KATNBL1: variants seen among roughly 807,000 people sequenced by gnomAD.
KATNBL1 encodes katanin regulatory subunit B1 like 1, also known as KATNB1-like protein 1.
A neutral mutation model predicts 44.7 loss-of-function variants in KATNBL1; 28 were observed. The ratio of observed to expected loss-of-function variants is 0.63; its 90% CI spans 0.46 to 0.86. The LOEUF (loss-of-function observed/expected upper bound fraction) is 0.86. Among genes scored for constraint, KATNBL1 ranks in the 40% least tolerant of loss-of-function variants. The pLI is 0.00. For missense variants in KATNBL1, 272 were observed against 350.7 expected, an observed-to-expected ratio of 0.78 and a Z score of 1.79; for synonymous variants, 78 against 114.9, an observed-to-expected ratio of 0.68 and a Z score of 2.06.
chr15:34,180,386 A>G (rs1889482552), intron 1 of KATNBL1, among the ~76,000 whole-genome samples: 1 of 152,158 alleles, frequency 6.6e-6, no homozygotes, highest in Non-Finnish European at 1.5e-5. Context: ...ATCACCATTT[A>G]GCTCTTTCGT....
chr15:34,162,759 G>A (rs1208255288), intron 2 of KATNBL1, among the ~76,000 whole-genome samples: 1 of 151,812 alleles, frequency 6.6e-6, no homozygotes, highest in Non-Finnish European at 1.5e-5. Flanking sequence ...ACAGGTGCAT[G>A]CCACCATGCC....
chr15:34,154,715 G>A, intron 2 of KATNBL1, 31 bp from the exon 3 acceptor site: 1 of 1,434,548 alleles, frequency 7.0e-7, no homozygotes, highest in Non-Finnish European at 9.8e-7. Context: ...GTTGATGTTA[G>A]AAACAAATGC....
chr15:34,141,226 A>G lies in KATNBL1; in HGVS notation c.*1113T>C, dbSNP rs1888142545. The G allele has an allele frequency of 6.6e-6, 1 of 152,612 alleles. No individual in the cohort carries two copies. Among genetic ancestry groups the G allele is most frequent in the Non-Finnish European group, 1.5e-5 (1 of 68,016 alleles). The allele number at this position is 152,612 out of a possible 1,614,324, so 9.5% of individuals were successfully genotyped here. A position where few individuals can be genotyped will look rare whatever the true frequency, so the allele number is the denominator to read the frequency against. ...AAAAAAAGACCTCATACAGTCTGCT[A>G]GCATATCATACTAACCATTAGAGGA... On this transcript the variant is annotated 3_prime_UTR_variant, in exon 10 of 10. Coordinates refer to ENST00000256544, the MANE Select transcript of KATNBL1 (RefSeq NM_024713.3).
At chr15:34,160,704 C>T (rs1259391200) in intron 2 of KATNBL1, among the ~76,000 whole-genome samples, 1 of 152,120 alleles carries the variant, frequency 6.6e-6, no homozygotes, top group Non-Finnish European at 1.5e-5. Flanking sequence ...ATTATTGTTG[C>T]TAGCTTTATA....
At chr15:34,160,539 C>A (rs1269805784) in intron 2 of KATNBL1, among the ~76,000 whole-genome samples, 1 of 152,132 alleles carries the variant, frequency 6.6e-6, no homozygotes, top group Non-Finnish European at 1.5e-5. Context: ...AGGAATTTTA[C>A]AGGTCTTTCA....
intron 1 of KATNBL1, among the ~76,000 whole-genome samples, chr15:34,181,810 A>G (rs1186069973): frequency 1.3e-5 from 1 of 77,800 alleles, no homozygotes; most frequent in African/African-American, 7.1e-5. Flanking sequence ...ATATATACAT[A>G]TATACATGTC....
At chr15:34,175,418 C>T (rs966347296) in intron 1 of KATNBL1, among the ~76,000 whole-genome samples, 1 of 152,110 alleles carries the variant, frequency 6.6e-6, no homozygotes, top group African/African-American at 2.4e-5. Context: ...TTGGAATACT[C>T]AACCTGTATG....
intron 1 of KATNBL1, chr15:34,199,577 A>G (rs1394530413): frequency 6.6e-6 from 1 of 152,228 alleles, no homozygotes; most frequent in Non-Finnish European, 1.5e-5. Flanking sequence ...GGTCTTGCTG[A>G]CCTCAAGAAT....
At chr15:34,188,150 A>AAAAAAAAAAAAAC in intron 1 of KATNBL1, among the ~76,000 whole-genome samples, 1 of 147,754 alleles carries the variant, frequency 6.8e-6, no homozygotes, top group African/African-American at 2.5e-5. Flanking sequence ...AAAAAAAAAA[A>AAAAAAAAAAAAAC]AAAAAAAAAA....
rs1251316227 is a variant in KATNBL1 at position 34,193,235 on chromosome 15, AC to A, written c.-15+16715del. Among the ~76,000 whole-genome samples, 1,095 of 132,122 alleles carry A rather than the reference AC, an allele frequency of 8.3e-3. 84 individuals carry two copies. Among genetic ancestry groups the A allele is most frequent in the African/African-American group, 0.031 (1,046 of 33,498 alleles). The allele number at this position is 132,122 out of a possible 152,430, so 86.7% of individuals were successfully genotyped here. A position where few individuals can be genotyped will look rare whatever the true frequency, so the allele number is the denominator to read the frequency against. On this transcript the variant is annotated intron_variant, in intron 1 of 9. Transcript: ENST00000256544. ...CCGTCTCAAAAAAAAAAAAAAAAAA[AC>A]AAAAAAAAAACTTAAGGCCAGATGC...
At chr15:34,183,356 T>A (rs1177819289) in intron 1 of KATNBL1, among the ~76,000 whole-genome samples, 1 of 152,184 alleles carries the variant, frequency 6.6e-6, no homozygotes, top group African/African-American at 2.4e-5. Flanking sequence ...CTCCCAGCTC[T>A]CTGGAAAGCT....
chr15:34,179,030 G>C (rs1889431502), intron 1 of KATNBL1, among the ~76,000 whole-genome samples: 1 of 152,190 alleles, frequency 6.6e-6, no homozygotes, highest in African/African-American at 2.4e-5. Flanking sequence ...TGGGACTGGT[G>C]CTTACAATGG....
chr15:34,153,224 G>T (rs1415338721), intron 3 of KATNBL1, among the ~76,000 whole-genome samples, 155 bp from the exon 4 acceptor site: 2 of 152,136 alleles, frequency 1.3e-5, no homozygotes, highest in African/African-American at 4.8e-5. Flanking sequence ...GAGTTGAAGA[G>T]AAAAGTAAAA....
At position 34,147,420 on chromosome 15, in the gene KATNBL1, G is replaced by C. The variant is rs1466281956; in HGVS notation, c.568C>G (p.Leu190Val). 1 of 1,612,448 alleles carries C rather than the reference G, an allele frequency of 6.2e-7. No homozygotes were observed. The highest frequency in any genetic ancestry group is 1.7e-5 in the Admixed American group (1 of 59,992). Reference sequence around the variant, plus strand: ...GGAAGGCAATCTACCACAACGCCAAGATCTTCTATCCTGAGAGTATAAAAA... The same window carrying C: ...GGAAGGCAATCTACCACAACGCCAACATCTTCTATCCTGAGAGTATAAAAA... ...LVAYLLRIED[L>V]GVVVDCLPVL... Residue 190 changes from leucine to valine, a missense_variant, in exon 6 of 10, where the codon CTT becomes GTT. Physicochemically the swap from Leu to Val is conservative, Grantham distance 32. Coordinates refer to ENST00000256544, the MANE Select transcript of KATNBL1 (RefSeq NM_024713.3).
chr15:34,180,865 C>T (rs563382243), intron 1 of KATNBL1, among the ~76,000 whole-genome samples: 1 of 152,198 alleles, frequency 6.6e-6, no homozygotes, highest in African/African-American at 2.4e-5. Context: ...GAGTTCGATA[C>T]CAGCCTAGGC....
Position 34,142,300 on chromosome 15 carries a change from GT to G in KATNBL1, c.*38del. 6.4e-7 allele frequency: 1 copy of G among 1,567,588 alleles called. No homozygotes were observed. Among genetic ancestry groups the G allele is most frequent in the Non-Finnish European group, 8.6e-7 (1 of 1,157,264 alleles). ...TTTGTAAATTATACAGTTCAGGGATGTTTTGAAAAACCAAATGCTCTTTAGT... is the reference window on the plus strand; with the variant it reads ...TTTGTAAATTATACAGTTCAGGGATGTTTGAAAAACCAAATGCTCTTTAGT... On this transcript the variant is annotated 3_prime_UTR_variant, in exon 10 of 10. Transcript: ENST00000256544.
At chr15:34,172,467 G>C (rs970073450) in intron 1 of KATNBL1, among the ~76,000 whole-genome samples, 4 of 151,898 alleles carry the variant, frequency 2.6e-5, no homozygotes, top group African/African-American at 9.7e-5. Flanking sequence ...ATATTGGCCA[G>C]GCTGGTCTCA....
At chr15:34,208,263 A>G (rs1428252327) in intron 1 of KATNBL1, among the ~76,000 whole-genome samples, 1 of 151,948 alleles carries the variant, frequency 6.6e-6, no homozygotes, top group African/African-American at 2.4e-5. Context: ...CTCTCTTTCT[A>G]CCAAGTCCCC....
At chr15:34,155,552 A>T (rs1010983065) in intron 2 of KATNBL1, among the ~76,000 whole-genome samples, 2 of 152,124 alleles carry the variant, frequency 1.3e-5, no homozygotes, top group Non-Finnish European at 2.9e-5. Context: ...TTTTTTGCTA[A>T]CTCATTGGAC....
Sources: allele counts gnomAD v4.1 joint callset (sites outside exome capture counted in the v4.1 genomes callset), GRCh38; gene constraint gnomAD v4.1.1; transcripts MANE v1.5; gene names NCBI Gene and HGNC (gene_info 2026-07-23, HGNC 2026-07-21).